The following SOX5 variants were observed in gnomAD, a reference collection of about 807,000 sequenced individuals.
The protein encoded by SOX5 is SRY-box transcription factor 5.
Under a neutral mutation model 92.0 loss-of-function variants are expected in SOX5, and 9 were observed. That is an observed-to-expected ratio of 0.10 (90% confidence interval 0.06 to 0.17). The LOEUF (loss-of-function observed/expected upper bound fraction) is 0.17. Ranked by LOEUF, SOX5 falls within the 10% of genes least tolerant of loss-of-function variation. SOX5 has a pLI of 1.00. For synonymous variants in SOX5, 344 were observed against 336.3 expected (o/e 1.02, Z -0.25); for missense variants, 642 against 944.5 (o/e 0.68, Z 4.20).
chr12:23,536,398 C>T, intron 14 of SOX5, 55 bp downstream of exon 14: 1 of 1,290,298 alleles, frequency 7.8e-7, no homozygotes, highest in South Asian at 1.2e-5. Context: ...TTTCACATCC[C>T]ATTAAGTATA....
chr12:23,887,923 G>GTGTGTGTGTC (rs1476883955), intron 2 of SOX5, among the ~76,000 whole-genome samples: 12 of 150,498 alleles, frequency 8.0e-5, no homozygotes, highest in Non-Finnish European at 1.6e-4. Context: ...GTATATGTGT[G>GTGTGTGTGTC]TGTGTGTGTG....
intron 1 of SOX5, among the ~76,000 whole-genome samples, chr12:23,924,250 A>T (rs1428518172): frequency 6.6e-6 from 1 of 152,214 alleles, no homozygotes; most frequent in Non-Finnish European, 1.5e-5. Context: ...AACGTATCAT[A>T]TTATTGCTTC....
At chr12:23,722,969 C>T (rs532959171) in intron 6 of SOX5, among the ~76,000 whole-genome samples, 3 of 152,096 alleles carry the variant, frequency 2.0e-5, no homozygotes, top group Middle Eastern at 3.2e-3. Context: ...CAATTAGGGG[C>T]GGATGAAGAT....
At chr12:24,352,429 C>T (rs1020875888) in intron 2 of SOX5, among the ~76,000 whole-genome samples, 1 of 152,124 alleles carries the variant, frequency 6.6e-6, no homozygotes, top group East Asian at 1.9e-4. Flanking sequence ...ACAGCGGGGT[C>T]CCACAGGTTC....
chr12:24,094,121 A>G (rs868786916), intron 4 of SOX5, among the ~76,000 whole-genome samples: 3 of 151,904 alleles, frequency 2.0e-5, no homozygotes, highest in Non-Finnish European at 2.9e-5. Flanking sequence ...TAATTTTTGT[A>G]TATTTAGTAG....
At position 24,236,101 on chromosome 12, in the gene SOX5, A is replaced by G. The variant is rs544618953; in HGVS notation, c.-76-22684T>C. Among the ~76,000 whole-genome samples the G allele has an allele frequency of 7.2e-5, 11 of 152,148 alleles. No homozygotes were observed. The South Asian group carries it at 2.3e-3, about 32-fold the overall frequency. On this transcript the variant is annotated intron_variant, in intron 3 of 4. Transcript: ENST00000446891. ...CAGCTACTTGGGAGGCTGAGGCAGGAGAATGGCGTGAACCCGGGAAGTGGG... is the reference window on the plus strand; with the variant it reads ...CAGCTACTTGGGAGGCTGAGGCAGGGGAATGGCGTGAACCCGGGAAGTGGG...
chr12:23,685,385 C>T (rs534970546), intron 6 of SOX5, among the ~76,000 whole-genome samples: 1 of 141,574 alleles, frequency 7.1e-6, no homozygotes, highest in Non-Finnish European at 1.5e-5. Context: ...CAGAAAAGAG[C>T]TCAAACATAA....
intron 2 of SOX5, among the ~76,000 whole-genome samples, chr12:23,865,898 A>C (rs2096807053): frequency 2.6e-5 from 4 of 152,216 alleles, no homozygotes; most frequent in Admixed American, 2.0e-4. Context: ...TGTGGGGCTC[A>C]AGACTTCAGT....
intron 3 of SOX5, among the ~76,000 whole-genome samples, chr12:24,267,706 T>A (rs1943197430): frequency 6.6e-6 from 1 of 152,180 alleles, no homozygotes. Context: ...AGCAATTGCT[T>A]GTTCACATAT....
intron 1 of SOX5, among the ~76,000 whole-genome samples, chr12:23,927,009 G>A (rs1231045216): frequency 6.6e-6 from 1 of 152,018 alleles, no homozygotes; most frequent in Non-Finnish European, 1.5e-5. Flanking sequence ...AAATGAAAAA[G>A]ATGATCTGCT....
At chr12:23,557,040 T>C (rs1945297915) in intron 11 of SOX5, among the ~76,000 whole-genome samples, 1 of 152,160 alleles carries the variant, frequency 6.6e-6, no homozygotes, top group Non-Finnish European at 1.5e-5. Flanking sequence ...AACATCCACA[T>C]TAAGTCAACA....
intron 4 of SOX5, among the ~76,000 whole-genome samples, chr12:24,052,338 T>C (rs1957642522): frequency 6.6e-6 from 1 of 152,190 alleles, no homozygotes; most frequent in African/African-American, 2.4e-5. Context: ...TGAAATAAAT[T>C]TTTAAGAAAT....
intron 6 of SOX5, among the ~76,000 whole-genome samples, chr12:23,709,607 A>C (rs73282019): frequency 0.12 from 18,179 of 152,212 alleles, 1,197 homozygotes; most frequent in South Asian, 0.22. Flanking sequence ...TATAGAAAGT[A>C]CAGGGATTAA....
At chr12:24,195,038 G>T (rs1285528678) in intron 4 of SOX5, among the ~76,000 whole-genome samples, 1 of 151,526 alleles carries the variant, frequency 6.6e-6, no homozygotes, top group Non-Finnish European at 1.5e-5. Flanking sequence ...CATGGTAAAA[G>T]TTCCAATATT....
chr12:24,127,938 G>A (rs141167863), intron 4 of SOX5, among the ~76,000 whole-genome samples: 152 of 152,234 alleles, frequency 1.0e-3, no homozygotes, highest in Non-Finnish European at 1.9e-3. Flanking sequence ...GAAATAGATC[G>A]GATCGGGCAG....
At chr12:24,027,652 G>A (rs1909350) in intron 4 of SOX5, among the ~76,000 whole-genome samples, 111,525 of 151,698 alleles carry the variant, frequency 0.74, 41,128 homozygotes, top group East Asian at 0.76. Context: ...TCAAGTGGTC[G>A]TCTGAATAAC....
intron 1 of SOX5, among the ~76,000 whole-genome samples, chr12:24,465,325 C>G (rs985754498): frequency 6.6e-6 from 1 of 152,200 alleles, no homozygotes; most frequent in African/African-American, 2.4e-5. Flanking sequence ...ATTTACTGAG[C>G]GTTTATTACA....
intron 3 of SOX5, among the ~76,000 whole-genome samples, chr12:23,844,707 C>T (rs534083115): frequency 1.3e-5 from 2 of 152,250 alleles, no homozygotes; most frequent in East Asian, 3.9e-4. Context: ...TGCTGTTTCA[C>T]ACAGGAATAG....
At position 23,624,827 on chromosome 12, in the gene SOX5, C is replaced by T. The variant is rs142501740; in HGVS notation, c.1017+15985G>A. Among the ~76,000 whole-genome samples, 3 of 152,220 alleles carry T rather than the reference C, an allele frequency of 2.0e-5. No homozygotes were observed. The East Asian group carries it at 5.8e-4, about 29-fold the overall frequency. ...TATAATAATTTTAGAAATTACAAAA[C>T]AAAAGATACAAATGCAACAAGATAA... On this transcript the variant is annotated intron_variant, in intron 8 of 14. Transcript: ENST00000451604.
Sources: allele counts gnomAD v4.1 joint callset (sites outside exome capture counted in the v4.1 genomes callset), GRCh38; gene constraint gnomAD v4.1.1; transcripts MANE v1.5; gene names NCBI Gene and HGNC (gene_info 2026-07-23, HGNC 2026-07-21).